The following PXT1 variants were observed in gnomAD, a reference collection of about 807,000 sequenced individuals.
The protein encoded by PXT1 is peroxisomal testis enriched protein 1, also known as peroxisomal testis-specific protein 1.
In PXT1, 11 loss-of-function variants were observed where a neutral mutation model predicts 11.0. That is an observed-to-expected ratio of 1.00 (90% CI 0.63 to 1.66). PXT1 has a LOEUF of 1.66. PXT1 is among the 40% of genes most tolerant of loss of function. PXT1 has a pLI of 0.00. For missense variants in PXT1, 141 were observed against 155.5 expected (o/e 0.91, Z 0.49); for synonymous variants, 43 against 51.4 (o/e 0.84, Z 0.70).
intron 2 of PXT1, among the ~76,000 whole-genome samples, chr6:36,435,192 C>T (rs964311737): frequency 1.3e-5 from 2 of 152,142 alleles, no homozygotes; most frequent in African/African-American, 4.8e-5. Flanking sequence ...TTAATCCCAG[C>T]ATTTGGGAGG....
Position 36,390,998 on chromosome 6 carries a change from C to T in PXT1, c.*772G>A, listed in dbSNP as rs902370453. On this transcript the variant is annotated 3_prime_UTR_variant, in exon 5 of 5. Coordinates refer to ENST00000454782, the MANE Select transcript of PXT1 (RefSeq NM_152990.4). ...ATGACAGAGCAGGGAAAGATACCTTCGAGCAGGGTCGAGTGGTATGGGAAA... is the reference window on the plus strand; with the variant it reads ...ATGACAGAGCAGGGAAAGATACCTTTGAGCAGGGTCGAGTGGTATGGGAAA... 12 of 152,264 alleles carry T rather than the reference C, an allele frequency of 7.9e-5. No individual in the cohort carries two copies. Among genetic ancestry groups the T allele is most frequent in the Admixed American group, 1.3e-4 (2 of 15,280 alleles). The allele number at this position is 152,264 out of a possible 1,614,324, so 9.4% of individuals were successfully genotyped here. A position where few individuals can be genotyped will look rare whatever the true frequency, so the allele number is the denominator to read the frequency against.
intron 2 of PXT1, among the ~76,000 whole-genome samples, chr6:36,426,862 T>C (rs1774615724): frequency 6.6e-6 from 1 of 152,102 alleles, no homozygotes; most frequent in African/African-American, 2.4e-5. Flanking sequence ...CCCAAAACAA[T>C]TCTCATAGTC....
intron 2 of PXT1, among the ~76,000 whole-genome samples, chr6:36,433,030 C>G (rs1667912947): frequency 6.6e-6 from 1 of 151,822 alleles, no homozygotes; most frequent in South Asian, 2.1e-4. Context: ...AAGACTCAAG[C>G]ATATACTTAG....
intron 3 of PXT1, among the ~76,000 whole-genome samples, chr6:36,413,546 C>T (rs896471123): frequency 6.6e-6 from 1 of 152,132 alleles, no homozygotes; most frequent in Non-Finnish European, 1.5e-5. Flanking sequence ...CTCTTTAAAA[C>T]CTTTGAGGAG....
In PXT1 at chr6:36,390,991, A is replaced by G. The variant is rs1774057580; in HGVS notation, c.*779T>C. On this transcript the variant is annotated 3_prime_UTR_variant, in exon 5 of 5. Coordinates refer to ENST00000454782, the MANE Select transcript of PXT1 (RefSeq NM_152990.4). ...AAAGAGGATGACAGAGCAGGGAAAG[A>G]TACCTTCGAGCAGGGTCGAGTGGTA... is the stretch of plus-strand genomic sequence containing the variant. The G allele has an allele frequency of 6.6e-6, 1 of 152,316 alleles. No homozygotes were observed. Among genetic ancestry groups the G allele is most frequent in the South Asian group, 2.1e-4 (1 of 4,838 alleles). The allele number at this position is 152,316 out of a possible 1,614,324, so 9.4% of individuals were successfully genotyped here.
chr6:36,414,088 C>T (rs9470270), intron 3 of PXT1, among the ~76,000 whole-genome samples: 71,084 of 152,044 alleles, frequency 0.47, 17,126 homozygotes, highest in Middle Eastern at 0.58. Flanking sequence ...TTCTTCCATA[C>T]ACCATTTGTT....
Position 36,391,750 on chromosome 6 carries a change from A to C in PXT1, c.*20T>G, listed in dbSNP as rs767765278. On this transcript the variant is annotated 3_prime_UTR_variant, in exon 5 of 5. Coordinates refer to ENST00000454782, the MANE Select transcript of PXT1 (RefSeq NM_152990.4). The stretch of plus-strand genomic sequence containing the variant: ...GGTAAAAAGAAAACAGAACTTGACC[A>C]CTTGACCTTTACTTTCCTTTTACAG... The C allele has an allele frequency of 6.6e-7, 1 of 1,512,182 alleles. No homozygotes were observed. The highest frequency in any genetic ancestry group is 9.2e-7 in the Non-Finnish European group (1 of 1,087,460). 93.7% of individuals were successfully genotyped at this position (1,512,182 alleles called of 1,614,324 possible). A position where few individuals can be genotyped will look rare whatever the true frequency, so the allele number is the denominator to read the frequency against.
intron 2 of PXT1, among the ~76,000 whole-genome samples, chr6:36,426,478 A>T (rs933665119): frequency 4.1e-5 from 6 of 146,148 alleles, no homozygotes; most frequent in East Asian, 4.1e-4. Flanking sequence ...TCAAGCAATT[A>T]TCCTGCCTCA....
At chr6:36,422,479 C>T (rs1353400896) in intron 3 of PXT1, among the ~76,000 whole-genome samples, 2 of 152,176 alleles carry the variant, frequency 1.3e-5, no homozygotes, top group Non-Finnish European at 1.5e-5. Flanking sequence ...GCACTTATCA[C>T]ATTATATTTA....
chr6:36,412,284 C>T (rs954072113), intron 3 of PXT1, among the ~76,000 whole-genome samples: 8 of 149,228 alleles, frequency 5.4e-5, no homozygotes, highest in African/African-American at 5.0e-5. Context: ...CCTGGGAGGT[C>T]GAGGTTGCAA....
At chr6:36,416,082 C>A (rs1252504321) in intron 3 of PXT1, among the ~76,000 whole-genome samples, 1 of 152,032 alleles carries the variant, frequency 6.6e-6, no homozygotes, top group African/African-American at 2.4e-5. Context: ...CGTCTGCAAT[C>A]CCAGCACTTT....
chr6:36,415,960 T>C (rs1774440675), intron 3 of PXT1, among the ~76,000 whole-genome samples: 2 of 151,994 alleles, frequency 1.3e-5, no homozygotes, highest in Admixed American at 6.6e-5. Flanking sequence ...AGACATCAAT[T>C]TTGTATATGA....
intron 4 of PXT1, among the ~76,000 whole-genome samples, chr6:36,399,625 G>C (rs1774188108): frequency 6.6e-6 from 1 of 152,150 alleles, no homozygotes. Flanking sequence ...CACCAAGAAA[G>C]CTTCACAGGA....
intron 4 of PXT1, among the ~76,000 whole-genome samples, chr6:36,395,734 T>TC (rs1774134909): frequency 6.6e-6 from 1 of 152,088 alleles, no homozygotes; most frequent in Admixed American, 6.6e-5. Flanking sequence ...GCGCGGTGGC[T>TC]CACGCCTGTA....
intron 3 of PXT1, among the ~76,000 whole-genome samples, chr6:36,425,163 TCA>T (rs1278921950): frequency 6.6e-6 from 1 of 152,214 alleles, no homozygotes; most frequent in African/African-American, 2.4e-5. Flanking sequence ...CATTTAGGAA[TCA>T]CACATTTTTG....
At chr6:36,428,573 A>G (rs897555756) in intron 2 of PXT1, among the ~76,000 whole-genome samples, 1 of 152,212 alleles carries the variant, frequency 6.6e-6, no homozygotes, top group Non-Finnish European at 1.5e-5. Context: ...TGACATTGCT[A>G]GACAACTGAG....
chr6:36,427,893 T>C (rs1774631618), intron 2 of PXT1, among the ~76,000 whole-genome samples: 1 of 152,144 alleles, frequency 6.6e-6, no homozygotes, highest in South Asian at 2.1e-4. Context: ...GACTCATCGT[T>C]TTTCAAATGT....
chr6:36,433,248 A>G (rs1021608321), intron 2 of PXT1, among the ~76,000 whole-genome samples: 14 of 152,310 alleles, frequency 9.2e-5, no homozygotes, highest in Admixed American at 1.3e-4. Flanking sequence ...TATGATATCC[A>G]TGAAACAAGA....
At chr6:36,416,643 C>T (rs1774452260) in intron 3 of PXT1, among the ~76,000 whole-genome samples, 1 of 152,208 alleles carries the variant, frequency 6.6e-6, no homozygotes. Flanking sequence ...ACCTTCTGAT[C>T]ATTATGACTA....
Sources: gnomAD v4.1 joint callset for allele counts (sites outside exome capture counted in the v4.1 genomes callset) on GRCh38, gnomAD v4.1.1 for gene constraint, MANE v1.5 for transcripts, NCBI Gene and HGNC (gene_info 2026-07-23, HGNC 2026-07-21) for gene names.